The following JAKMIP1 variants were observed in gnomAD, a reference collection of about 807,000 sequenced individuals.
JAKMIP1 encodes the protein janus kinase and microtubule-interacting protein 1.
A neutral mutation model predicts 113.0 loss-of-function variants in JAKMIP1; 33 were observed. The ratio of observed to expected loss-of-function variants is 0.29; its 90% confidence interval spans 0.22 to 0.39. The LOEUF is 0.39. Ranked by LOEUF, JAKMIP1 falls within the 10% of genes least tolerant of loss-of-function variation. The pLI, the probability that JAKMIP1 is intolerant of heterozygous loss-of-function variation, is 1.00. For synonymous variants in JAKMIP1, 480 were observed against 459.9 expected, an observed-to-expected ratio of 1.04 and a Z score of -0.56; for missense variants, 813 against 1,080.5, an observed-to-expected ratio of 0.75 and a Z score of 3.47.
chr4:6,123,174 A>G (rs1716945193), intron 1 of JAKMIP1, among the ~76,000 whole-genome samples: 1 of 152,234 alleles, frequency 6.6e-6, no homozygotes, highest in East Asian at 1.9e-4. Flanking sequence ...TTGAGGTTGT[A>G]CAGTCCCGTG....
Position 6,158,252 on chromosome 4 carries a change from C to T in JAKMIP1, c.-148+42001G>A, listed in dbSNP as rs73795764. Among the ~76,000 whole-genome samples the T allele has an allele frequency of 5.0e-3, 759 of 152,222 alleles. 6 individuals carry two copies. Among genetic ancestry groups the T allele is most frequent in the African/African-American group, 0.018 (727 of 41,458 alleles). On this transcript the variant is annotated intron_variant, in intron 1 of 20. Transcript: ENST00000409021. This position sits in a 1 kb window ranked among gnomAD's most constrained non-coding sequence, Gnocchi z 5.3. ...TGCCCTGCGGATACTACATGCTTCT[C>T]ACCAGGGGTCACAAGCTCAGCTATG...
intron 18 of JAKMIP1, 52 bp from the exon 19 acceptor site, chr4:6,036,159 G>C (rs1035880202): frequency 6.5e-6 from 9 of 1,378,166 alleles, no homozygotes; most frequent in Non-Finnish European, 8.0e-6. Context: ...AGGTGGACAG[G>C]AACCACCAGA....
At position 6,138,505 on chromosome 4, in the gene JAKMIP1, G is replaced by A. The variant is rs1052094434; in HGVS notation, c.-147-25508C>T. ...ACCTGCCTCGGCCTCCCAAAATGCT[G>A]GGATTACAGGCGTGAGCCACTGCAC... On this transcript the variant is annotated intron_variant, in intron 1 of 20. Transcript: ENST00000409021. This position sits in a 1 kb window ranked among gnomAD's most constrained non-coding sequence, Gnocchi z 6.0. 2.6e-5 allele frequency among the ~76,000 whole-genome samples: 4 copies of A among 151,792 alleles called. No homozygotes were observed. Among genetic ancestry groups the A allele is most frequent in the African/African-American group, 9.7e-5 (4 of 41,084 alleles).
chr4:6,116,167 C>T lies in JAKMIP1; in HGVS notation c.-147-3170G>A, dbSNP rs1003204648. Among the ~76,000 whole-genome samples the T allele has an allele frequency of 1.3e-5, 2 of 152,098 alleles. No homozygotes were observed. Among genetic ancestry groups the T allele is most frequent in the Admixed American group, 1.3e-4 (2 of 15,276 alleles). On this transcript the variant is annotated intron_variant, in intron 1 of 20. Transcript: ENST00000409021. This position sits in a 1 kb window ranked among gnomAD's most constrained non-coding sequence, Gnocchi z 5.1. ...TCTCGGAGCTCAGGGTGGGCCCCAG[C>T]AGCCGGCCTCTGTGCCATGGACACA...
At position 6,049,966 on chromosome 4, in the gene JAKMIP1, C is replaced by A; in HGVS notation, c.1909-94G>T. On this transcript the variant is annotated intron_variant, in intron 14 of 20. Coordinates refer to ENST00000409021, the MANE Select transcript of JAKMIP1 (RefSeq NM_001099433.2). The surrounding 1 kb of genome is among the most constrained non-coding windows in gnomAD (Gnocchi z 7.0). Reference sequence around the variant, plus strand: ...ACGGCCTTTCCTCTGGACAAGACACCGCGCTCTTTCTTTTCTTTTCTGGCC... The same window carrying A: ...ACGGCCTTTCCTCTGGACAAGACACAGCGCTCTTTCTTTTCTTTTCTGGCC... 1 of 838,152 alleles carries A rather than the reference C, an allele frequency of 1.2e-6. No individual in the cohort carries two copies. Among genetic ancestry groups the A allele is most frequent in the East Asian group, 2.5e-5 (1 of 39,258 alleles). 51.9% of individuals were successfully genotyped at this position (838,152 alleles called of 1,614,324 possible). A position where few individuals can be genotyped will look rare whatever the true frequency, so the allele number is the denominator to read the frequency against.
In JAKMIP1 at chr4:6,136,914, T is replaced by C. The variant is rs1719328472; in HGVS notation, c.-147-23917A>G. 6.6e-6 allele frequency among the ~76,000 whole-genome samples: 1 copy of C among 152,166 alleles called. No individual in the cohort carries two copies. The highest frequency in any genetic ancestry group is 2.4e-5 in the African/African-American group (1 of 41,442). ...GTTGCGTTGAAGTTTGGCAAGCGCA[T>C]GGGATTCCACTGACCATGCCATTGT... On this transcript the variant is annotated intron_variant, in intron 1 of 20. Coordinates refer to ENST00000409021, the MANE Select transcript of JAKMIP1 (RefSeq NM_001099433.2). This position sits in a 1 kb window ranked among gnomAD's most constrained non-coding sequence, Gnocchi z 5.9.
rs1046756865 is a variant in JAKMIP1, at chr4:6,185,947, CT to C, written c.-148+14305del. 1.3e-5 allele frequency among the ~76,000 whole-genome samples: 2 copies of C among 152,042 alleles called. No homozygotes were observed. Among genetic ancestry groups the C allele is most frequent in the South Asian group, 2.1e-4 (1 of 4,822 alleles). On this transcript the variant is annotated intron_variant, in intron 1 of 20. Coordinates refer to ENST00000409021, the MANE Select transcript of JAKMIP1 (RefSeq NM_001099433.2). This position sits in a 1 kb window ranked among gnomAD's most constrained non-coding sequence, Gnocchi z 5.3. ...AAATATGACACTAGTTCAGACTGGA[CT>C]TTTTTTTAATTACCTCAGTGTGGAG...
At chr4:6,190,849 CTCGGCCCATAG>C (rs1727179024) in intron 1 of JAKMIP1, among the ~76,000 whole-genome samples, 1 of 152,208 alleles carries the variant, frequency 6.6e-6, no homozygotes, top group Non-Finnish European at 1.5e-5. Flanking sequence ...GGGTTGGGAA[CTCGGCCCATAG>C]TCCCCTCCTG....
chr4:6,084,241 C>T (rs1014374504), intron 5 of JAKMIP1, among the ~76,000 whole-genome samples: 5 of 151,186 alleles, frequency 3.3e-5, no homozygotes, highest in East Asian at 1.9e-4. Flanking sequence ...CGCTTGAACC[C>T]GGGAGGTGAA....
Position 6,112,937 on chromosome 4 carries a change from G to A in JAKMIP1, c.-87C>T, listed in dbSNP as rs144747527. ...AGCAGGCGTGGCTACCAGCTCCACC[G>A]TGCTAACCAGTCGCGCAGGACTCAG... On this transcript the variant is annotated 5_prime_UTR_variant, in exon 2 of 21. It adds an upstream start codon to the 5' untranslated region. Coordinates refer to ENST00000409021, the MANE Select transcript of JAKMIP1 (RefSeq NM_001099433.2). 41 of 1,529,792 alleles carry A rather than the reference G, an allele frequency of 2.7e-5. No homozygotes were observed. Among genetic ancestry groups the A allele is most frequent in the Non-Finnish European group, 3.3e-5 (37 of 1,137,312 alleles). The allele number at this position is 1,529,792 out of a possible 1,614,324, so 94.8% of individuals were successfully genotyped here. A position where few individuals can be genotyped will look rare whatever the true frequency, so the allele number is the denominator to read the frequency against.
chr4:6,159,516 GAA>G (rs33992158), intron 1 of JAKMIP1, among the ~76,000 whole-genome samples: 21 of 151,550 alleles, frequency 1.4e-4, no homozygotes, highest in East Asian at 5.8e-4. Context: ...CATGCAAGTG[GAA>G]AAAAAAAATA....
At chr4:6,164,250 A>G (rs531413050) in intron 1 of JAKMIP1, among the ~76,000 whole-genome samples, 1 of 152,370 alleles carries the variant, frequency 6.6e-6, no homozygotes, top group Admixed American at 6.5e-5. Context: ...AGTTGAAGCC[A>G]ATGCTCATTT....
rs1204540860 is a variant in JAKMIP1, at chr4:6,176,135, G to C, written c.-148+24118C>G. On this transcript the variant is annotated intron_variant, in intron 1 of 20. Transcript: ENST00000409021. This position sits in a 1 kb window ranked among gnomAD's most constrained non-coding sequence, Gnocchi z 5.5. ...TAGTCAGAGATCTAGTGAGAAGAAGGGACTACAAATCTCTAACAGGCTTGA... is the reference window on the plus strand; with the variant it reads ...TAGTCAGAGATCTAGTGAGAAGAAGCGACTACAAATCTCTAACAGGCTTGA... Among the ~76,000 whole-genome samples the C allele has an allele frequency of 6.6e-6, 1 of 152,182 alleles. No homozygotes were observed. The highest frequency in any genetic ancestry group is 2.4e-5 in the African/African-American group (1 of 41,436).
chr4:6,146,019 G>T (rs1447626012), intron 1 of JAKMIP1, among the ~76,000 whole-genome samples: 1 of 152,144 alleles, frequency 6.6e-6, no homozygotes, highest in Non-Finnish European at 1.5e-5. Context: ...ATAGCACGTT[G>T]CAAGTGTCTC....
rs1249646065 is a variant in JAKMIP1, at chr4:6,140,716, C to A, written c.-147-27719G>T. ...ATGCTTTTACCTGGAAAAGGGATGA[C>A]AAAGTATCCCAGATAACTTGGTAGA... is the stretch of plus-strand genomic sequence containing the variant. On this transcript the variant is annotated intron_variant, in intron 1 of 20. Coordinates refer to ENST00000409021, the MANE Select transcript of JAKMIP1 (RefSeq NM_001099433.2). This position sits in a 1 kb window ranked among gnomAD's most constrained non-coding sequence, Gnocchi z 9.4. 6.6e-6 allele frequency among the ~76,000 whole-genome samples: 1 copy of A among 152,146 alleles called. No individual in the cohort carries two copies. Among genetic ancestry groups the A allele is most frequent in the Non-Finnish European group, 1.5e-5 (1 of 68,030 alleles).
intron 1 of JAKMIP1, among the ~76,000 whole-genome samples, chr4:6,114,286 T>G (rs937045388): frequency 6.6e-6 from 1 of 152,104 alleles, no homozygotes; most frequent in African/African-American, 2.4e-5. Flanking sequence ...CCAGGGAGGC[T>G]ACAGAAGATG....
At chr4:6,057,387 G>A (rs1716620720) in intron 11 of JAKMIP1, among the ~76,000 whole-genome samples, 1 of 152,212 alleles carries the variant, frequency 6.6e-6, no homozygotes, top group Non-Finnish European at 1.5e-5. Context: ...CTGGGGCTGG[G>A]CTGAGGCCCC....
chr4:6,097,092 G>A lies in JAKMIP1; in HGVS notation c.624+8381C>T, dbSNP rs139788948. Among the ~76,000 whole-genome samples the A allele has an allele frequency of 8.8e-3, 1,337 of 152,218 alleles. 11 individuals carry two copies. Among genetic ancestry groups the A allele is most frequent in the Non-Finnish European group, 0.011 (719 of 68,020 alleles). The stretch of plus-strand genomic sequence containing the variant: ...TCGTAGGTCACAGTAGCCTCAATCT[G>A]CTGGCTTCAAGCAATCCTCCCACCT... On this transcript the variant is annotated intron_variant, in intron 3 of 20. Coordinates refer to ENST00000409021, the MANE Select transcript of JAKMIP1 (RefSeq NM_001099433.2). The surrounding 1 kb of genome is among the most constrained non-coding windows in gnomAD (Gnocchi z 4.3).
At chr4:6,070,718 G>T (rs1324257309) in intron 8 of JAKMIP1, among the ~76,000 whole-genome samples, 1 of 152,238 alleles carries the variant, frequency 6.6e-6, no homozygotes, top group Non-Finnish European at 1.5e-5. Flanking sequence ...AAATTTATCT[G>T]CTGTTCCCCG....
Sources: gnomAD v4.1 joint callset for allele counts (sites outside exome capture counted in the v4.1 genomes callset) on GRCh38, gnomAD v4.1.1 for gene constraint, Gnocchi (gnomAD v3.1) non-coding constraint, MANE v1.5 for transcripts, NCBI Gene and HGNC (gene_info 2026-07-23, HGNC 2026-07-21) for gene names.